Variants in SCLT1 observed in about 807,000 individuals in gnomAD.
SCLT1 encodes sodium channel-associated protein 1.
A neutral mutation model predicts 112.8 loss-of-function variants in SCLT1; 78 were observed. That is an observed-to-expected ratio of 0.69 (90% confidence interval 0.58 to 0.83). SCLT1 has a LOEUF of 0.83. Ranked by LOEUF, SCLT1 falls within the 40% of genes least tolerant of loss-of-function variation. The pLI, the probability that SCLT1 is intolerant of heterozygous loss-of-function variation, is 0.00. For missense variants in SCLT1, 747 were observed against 770.4 expected (o/e 0.97, Z 0.36); for synonymous variants, 257 against 254.7 (o/e 1.01, Z -0.09).
intron 18 of SCLT1, among the ~76,000 whole-genome samples, chr4:128,895,502 T>C (rs1159336312): frequency 6.6e-6 from 1 of 152,202 alleles, no homozygotes; most frequent in Non-Finnish European, 1.5e-5. Flanking sequence ...ATTGTGTTTT[T>C]CGGATTTCCC....
chr4:128,930,368 T>C (rs749587833), intron 18 of SCLT1, among the ~76,000 whole-genome samples: 4 of 152,184 alleles, frequency 2.6e-5, no homozygotes, highest in Admixed American at 6.5e-5. Context: ...AGTCTTCAGA[T>C]GACATTTTGA....
intron 14 of SCLT1, 143 bp from the exon 15 acceptor site, chr4:128,948,713 C>T: frequency 1.6e-6 from 1 of 624,818 alleles, no homozygotes; most frequent in Non-Finnish European, 2.6e-6. Context: ...CAAAACAAAA[C>T]TCAATATTTG....
chr4:128,956,764 G>T (rs942935182), intron 13 of SCLT1, among the ~76,000 whole-genome samples: 3 of 151,142 alleles, frequency 2.0e-5, no homozygotes, highest in African/African-American at 7.3e-5. Context: ...TACAGATAAA[G>T]AAAAAAAAGG....
Position 129,084,799 on chromosome 4 carries a change from C to T in SCLT1, c.35-2426G>A, listed in dbSNP as rs567231263. ...AGAATTCCCTACTTTAAATGGTGCTCGGATAACCGGCAAGCCATATGAAAA... is the reference window on the plus strand; with the variant it reads ...AGAATTCCCTACTTTAAATGGTGCTTGGATAACCGGCAAGCCATATGAAAA... On this transcript the variant is annotated intron_variant, in intron 1 of 20. Coordinates refer to ENST00000281142, the MANE Select transcript of SCLT1 (RefSeq NM_144643.4). Among the ~76,000 whole-genome samples, 14 of 152,158 alleles carry T rather than the reference C, an allele frequency of 9.2e-5. No homozygotes were observed. The South Asian group carries it at 1.0e-3, about 11-fold the overall frequency.
In SCLT1 at chr4:128,976,504, A is replaced by C. The variant is rs143073457; in HGVS notation, c.687-6036T>G. Among the ~76,000 whole-genome samples the C allele has an allele frequency of 5.7e-3, 874 of 152,270 alleles. 7 individuals carry two copies. The highest frequency in any genetic ancestry group is 0.034 in the Middle Eastern group (10 of 294). On this transcript the variant is annotated intron_variant, in intron 9 of 20. Coordinates refer to ENST00000281142, the MANE Select transcript of SCLT1 (RefSeq NM_144643.4). ...TAAAACATGTTTACTTCATGCCTGC[A>C]ATGTTTGAGGTGCTGCAATAATGTG...
At chr4:129,062,827 TG>T (rs964763868) in intron 2 of SCLT1, among the ~76,000 whole-genome samples, 1 of 152,238 alleles carries the variant, frequency 6.6e-6, no homozygotes, top group Admixed American at 6.5e-5. Flanking sequence ...TAACTGTCTT[TG>T]ATTTTTGACA....
intron 17 of SCLT1, among the ~76,000 whole-genome samples, chr4:128,939,532 C>T (rs1317222399): frequency 3.3e-5 from 5 of 152,106 alleles, no homozygotes; most frequent in Non-Finnish European, 5.9e-5. Flanking sequence ...GTTTTATGGT[C>T]TCTCTTCTTT....
At chr4:128,994,588 A>G (rs1390017532) in intron 8 of SCLT1, among the ~76,000 whole-genome samples, 2 of 152,148 alleles carry the variant, frequency 1.3e-5, no homozygotes, top group Admixed American at 6.6e-5. Context: ...AGGAAACTCT[A>G]TACTGTGTTC....
chr4:128,937,668 A>C (rs1277146196), intron 17 of SCLT1, among the ~76,000 whole-genome samples: 1 of 152,204 alleles, frequency 6.6e-6, no homozygotes, highest in Non-Finnish European at 1.5e-5. Context: ...TGATTAATGA[A>C]TGAATTATTT....
downstream of SCLT1, among the ~76,000 whole-genome samples, chr4:128,881,628 CT>C (rs1291475737): frequency 6.6e-6 from 1 of 152,166 alleles, no homozygotes; most frequent in East Asian, 1.9e-4. Flanking sequence ...AATGAACTAG[CT>C]GTGTTGTCCT....
intron 10 of SCLT1, among the ~76,000 whole-genome samples, chr4:128,966,367 A>G (rs1372265432): frequency 6.6e-6 from 1 of 152,066 alleles, no homozygotes; most frequent in Non-Finnish European, 1.5e-5. Context: ...GAACTTACCC[A>G]ATTTATTCAG....
chr4:128,948,506 T>C lies in SCLT1; in HGVS notation c.1283A>G (p.Glu428Gly). ...VIKEKKAVEE[E>G]LEKIYREGRG... ...CCTTTTTCTTTTTACCTTTTCTAGT[T>C]CTTCTTCCACTGCTTTTTTTTCCTT... is the stretch of plus-strand genomic sequence containing the variant. The change falls in exon 15 of 21, where the codon GAA (glutamate) becomes GGA (glycine). Residue 428 changes from glutamate (E) to glycine (G), a missense_variant. Transcript: ENST00000281142. 6.2e-7 allele frequency: 1 copy of C among 1,607,898 alleles called. No homozygotes were observed. Among genetic ancestry groups the C allele is most frequent in the Non-Finnish European group, 8.5e-7 (1 of 1,176,438 alleles).
chr4:129,014,159 G>C (rs1744789352), intron 5 of SCLT1, among the ~76,000 whole-genome samples: 1 of 152,088 alleles, frequency 6.6e-6, no homozygotes, highest in African/African-American at 2.4e-5. Context: ...AGTTCTATCA[G>C]GTCAGTTGGT....
chr4:128,952,052 T>G (rs1367238029), intron 14 of SCLT1, among the ~76,000 whole-genome samples: 1 of 152,136 alleles, frequency 6.6e-6, no homozygotes, highest in Non-Finnish European at 1.5e-5. Flanking sequence ...GACTCTACTA[T>G]GTTGAGATGC....
chr4:129,020,340 T>C (rs949247944), intron 5 of SCLT1, among the ~76,000 whole-genome samples: 2 of 152,212 alleles, frequency 1.3e-5, no homozygotes, highest in Non-Finnish European at 2.9e-5. Context: ...CAGACTTAAG[T>C]AGCCTTTGCC....
chr4:128,940,253 A>G, intron 17 of SCLT1, among the ~76,000 whole-genome samples: 1 of 152,070 alleles, frequency 6.6e-6, no homozygotes, highest in African/African-American at 2.4e-5. Flanking sequence ...AAGACGGATC[A>G]ACTGGAGTAC....
intron 1 of SCLT1, among the ~76,000 whole-genome samples, chr4:129,085,901 T>C (rs957961707): frequency 6.6e-6 from 1 of 152,244 alleles, no homozygotes; most frequent in African/African-American, 2.4e-5. Context: ...AAGCAACTAA[T>C]GGGTATTAGG....
chr4:129,030,195 C>T (rs1226738634), intron 5 of SCLT1, among the ~76,000 whole-genome samples: 1 of 152,106 alleles, frequency 6.6e-6, no homozygotes, highest in Non-Finnish European at 1.5e-5. Context: ...ATTAAACAAC[C>T]TGTTCCTGAA....
At chr4:129,042,349 A>T (rs3099902) in intron 4 of SCLT1, among the ~76,000 whole-genome samples, 81,338 of 151,884 alleles carry the variant, frequency 0.54, 24,621 homozygotes, top group South Asian at 0.68. Context: ...TATTAGGCAT[A>T]CTCTAAACAC....
Sources: gnomAD v4.1 joint callset for allele counts (sites outside exome capture counted in the v4.1 genomes callset) on GRCh38, gnomAD v4.1.1 for gene constraint, MANE v1.5 for transcripts, NCBI Gene and HGNC (gene_info 2026-07-23, HGNC 2026-07-21) for gene names.